ZNF718: variants seen among roughly 807,000 people sequenced by gnomAD.
ZNF718 encodes the protein zinc finger protein 718.
ZNF718 carries 3 observed loss-of-function variants against 2.6 expected under a neutral mutation model. That is an observed-to-expected ratio of 1.16 (90% CI 0.53 to 3.01). The LOEUF is 3.01. ZNF718 is among the 30% of genes most tolerant of loss of function. The pLI, the probability that ZNF718 is intolerant of heterozygous loss-of-function variation, is 0.03. For synonymous variants in ZNF718, 135 were observed against 77.9 expected (o/e 1.73, Z -3.86); for missense variants, 468 against 230.0 (o/e 2.03, Z -6.69).
intron 3 of ZNF718, among the ~76,000 whole-genome samples, chr4:134,410 TG>T (rs1247649155): frequency 8.5e-5 from 13 of 152,280 alleles, no homozygotes; most frequent in Admixed American, 4.6e-4. Context: ...CCCAAAGTGC[TG>T]GGGATTACAG....
At position 162,712 on chromosome 4, in the gene ZNF718, C is replaced by T. The variant is rs1240535640; in HGVS notation, c.*590C>T. ...AAGCAGTTGCCCAAACTTTCTTTGA[C>T]ATTAGAGAATTTATATTGGAAAGAA... On this transcript the variant is annotated 3_prime_UTR_variant, in exon 4 of 4. Coordinates refer to ENST00000510175, the MANE Select transcript of ZNF718 (RefSeq NM_001039127.6). 1 of 152,006 alleles carries T rather than the reference C, an allele frequency of 6.6e-6. No individual in the cohort carries two copies. Among genetic ancestry groups the T allele is most frequent in the Non-Finnish European group, 1.5e-5 (1 of 67,980 alleles). The allele number at this position is 152,006 out of a possible 1,614,324, so 9.4% of individuals were successfully genotyped here.
chr4:126,063 AG>A (rs1400467889), intron 1 of ZNF718, among the ~76,000 whole-genome samples: 1 of 152,000 alleles, frequency 6.6e-6, no homozygotes, highest in African/African-American at 2.4e-5. Flanking sequence ...TCCTTTCATC[AG>A]TTGTGCCCTG....
rs1553807608 is a variant in ZNF718 at position 124,683 on chromosome 4, C to G, written c.3+10C>G. On this transcript the variant is annotated intron_variant, in intron 1 of 3. Coordinates refer to ENST00000510175, the MANE Select transcript of ZNF718 (RefSeq NM_001039127.6). ...CTGAAGTCGGGAAATGGTGAGTGTG[C>G]AGGGCAGGGCGTCCCAAGGCTGTGG... is the stretch of plus-strand genomic sequence containing the variant. 6.2e-7 allele frequency: 1 copy of G among 1,609,032 alleles called. No individual in the cohort carries two copies. The highest frequency in any genetic ancestry group is 1.1e-5 in the South Asian group (1 of 91,066).
chr4:138,497 G>A (rs1715672642), intron 3 of ZNF718, among the ~76,000 whole-genome samples: 2 of 152,104 alleles, frequency 1.3e-5, no homozygotes, highest in Non-Finnish European at 2.9e-5. Context: ...ACTCTGTTAT[G>A]TATGTGCACC....
Position 162,775 on chromosome 4 carries a change from C to G in ZNF718, c.*653C>G, listed in dbSNP as rs1553815901. On this transcript the variant is annotated 3_prime_UTR_variant, in exon 4 of 4. Transcript: ENST00000510175. ...TAATAAATTTGGAAAAGCATTTGTT[C>G]AAAAACTATAGCTTAAAAAAAACCA... 1 of 151,884 alleles carries G rather than the reference C, an allele frequency of 6.6e-6. No homozygotes were observed. 9.4% of individuals were successfully genotyped at this position (151,884 alleles called of 1,614,324 possible).
At chr4:193,034 A>G (rs985545845) in intron 3 of ZNF718, among the ~76,000 whole-genome samples, 1 of 152,052 alleles carries the variant, frequency 6.6e-6, no homozygotes, top group Non-Finnish European at 1.5e-5. Context: ...AGGCAAAAGT[A>G]TTTTCCTTCT....
intron 3 of ZNF718, among the ~76,000 whole-genome samples, chr4:199,824 G>A (rs1438611946): frequency 6.6e-6 from 1 of 152,126 alleles, no homozygotes. Context: ...CGCCACACCT[G>A]TGCTCACACC....
chr4:153,777 A>C (rs1214351794), intron 3 of ZNF718, among the ~76,000 whole-genome samples: 1 of 152,246 alleles, frequency 6.6e-6, no homozygotes, highest in Non-Finnish European at 1.5e-5. Flanking sequence ...ATGGCTGAAC[A>C]AATCTGTATA....
rs556551485 is a variant in ZNF718 at position 137,251 on chromosome 4, A to G, written c.226+5746A>G. ...AATTAAACCTTTTTCTAAAAAAAAA[A>G]ATTACCTAGTCTCAGGTATTTATAG... On this transcript the variant is annotated intron_variant, in intron 3 of 3. Coordinates refer to ENST00000510175, the MANE Select transcript of ZNF718 (RefSeq NM_001039127.6). Among the ~76,000 whole-genome samples, 7 of 152,328 alleles carry G rather than the reference A, an allele frequency of 4.6e-5. No homozygotes were observed. In the South Asian group the frequency reaches 1.2e-3, roughly 27 times the overall value.
chr4:166,623 T>G (rs989688100), downstream of ZNF718, among the ~76,000 whole-genome samples: 42 of 152,238 alleles, frequency 2.8e-4, 1 homozygote, highest in Admixed American at 2.3e-3. Flanking sequence ...TTTTTTCATG[T>G]GTCTCTTGGC....
intron 3 of ZNF718, among the ~76,000 whole-genome samples, chr4:137,788 A>G (rs181277460): frequency 7.9e-5 from 12 of 151,322 alleles, no homozygotes; most frequent in Admixed American, 5.3e-4. Flanking sequence ...CTAAATGTTT[A>G]TTTTAATGTT....
intron 3 of ZNF718, among the ~76,000 whole-genome samples, chr4:199,928 A>G (rs1419604341): frequency 2.6e-5 from 4 of 152,232 alleles, no homozygotes; most frequent in Admixed American, 6.5e-5. Context: ...ATGCCAGTCA[A>G]TATTAATAAA....
At chr4:192,481 C>A (rs1717711801) in intron 3 of ZNF718, among the ~76,000 whole-genome samples, 1 of 152,172 alleles carries the variant, frequency 6.6e-6, no homozygotes, top group South Asian at 2.1e-4. Context: ...GGTGCGGTCA[C>A]CTTCCCCAGC....
chr4:178,804 G>A (rs149620536), intron 3 of ZNF718, among the ~76,000 whole-genome samples: 150 of 152,208 alleles, frequency 9.9e-4, no homozygotes, highest in African/African-American at 3.2e-3. Flanking sequence ...AATTCCTGTC[G>A]AATAGATTAC....
intron 3 of ZNF718, among the ~76,000 whole-genome samples, chr4:154,302 G>T (rs2108798016): frequency 6.6e-6 from 1 of 152,250 alleles, no homozygotes; most frequent in South Asian, 2.1e-4. Context: ...GGTACCAGTA[G>T]AGTTGGGAAC....
In ZNF718 at chr4:174,731, T is replaced by G. The variant is rs185274558; in HGVS notation, c.227-26350T>G. Among the ~76,000 whole-genome samples the G allele has an allele frequency of 2.4e-3, 373 of 152,280 alleles. 2 individuals are homozygous for G. Among genetic ancestry groups the G allele is most frequent in the African/African-American group, 8.3e-3 (345 of 41,566 alleles). Reference sequence around the variant, plus strand: ...TGGGTTGAAGAATCTCATAGTAGAATAGAAAAAATTCAAGTAATTTCCAAG... The same window carrying G: ...TGGGTTGAAGAATCTCATAGTAGAAGAGAAAAAATTCAAGTAATTTCCAAG... On this transcript the variant is annotated intron_variant and NMD_transcript_variant, in intron 3 of 4. Transcript: ENST00000642529.
At chr4:142,937 A>T (rs1715877575) in intron 3 of ZNF718, among the ~76,000 whole-genome samples, 1 of 152,218 alleles carries the variant, frequency 6.6e-6, no homozygotes, top group Non-Finnish European at 1.5e-5. Flanking sequence ...CCCAATAGTC[A>T]TAATAATAGT....
chr4:177,822 A>G (rs1391184670), intron 3 of ZNF718, among the ~76,000 whole-genome samples: 1 of 152,062 alleles, frequency 6.6e-6, no homozygotes, highest in East Asian at 1.9e-4. Context: ...CAGTGCCCCT[A>G]AACTCAAAGA....
chr4:126,868 C>G (rs1485384027), intron 1 of ZNF718, among the ~76,000 whole-genome samples: 2 of 151,200 alleles, frequency 1.3e-5, no homozygotes, highest in African/African-American at 2.4e-5. Context: ...CGCTGTGTCG[C>G]CAGGCTGGAG....
Sources: allele counts gnomAD v4.1 joint callset (sites outside exome capture counted in the v4.1 genomes callset), GRCh38; gene constraint gnomAD v4.1.1; transcripts MANE v1.5; gene names NCBI Gene and HGNC (gene_info 2026-07-23, HGNC 2026-07-21).